TDRD7: variants seen among roughly 807,000 people sequenced by gnomAD.
TDRD7 encodes tudor domain containing 7.
TDRD7 carries 47 observed loss-of-function variants against 109.8 expected under a neutral mutation model. That is an observed-to-expected ratio of 0.43 (90% confidence interval 0.34 to 0.55). The LOEUF (loss-of-function observed/expected upper bound fraction) is 0.55. Among genes scored for constraint, TDRD7 ranks in the 20% least tolerant of loss-of-function variants. The pLI is 0.03. For synonymous variants in TDRD7, 424 were observed against 457.3 expected (o/e 0.93, Z 0.93); for missense variants, 1,164 against 1,319.2 (o/e 0.88, Z 1.82).
chr9:97,431,974 G>A, intron 3 of TDRD7, 51 bp from the exon 4 acceptor site: 1 of 1,509,418 alleles, frequency 6.6e-7, no homozygotes. Context: ...CATAATGAAA[G>A]TGGGGTTTGG....
chr9:97,481,989 T>G (rs1270047102), intron 14 of TDRD7, among the ~76,000 whole-genome samples: 2 of 152,172 alleles, frequency 1.3e-5, no homozygotes, highest in Non-Finnish European at 2.9e-5. Flanking sequence ...CTAGCCCTAT[T>G]TGGTAAAAGA....
intron 16 of TDRD7, among the ~76,000 whole-genome samples, chr9:97,488,560 G>T (rs1450560056): frequency 6.4e-5 from 9 of 140,648 alleles, no homozygotes; most frequent in Non-Finnish European, 1.1e-4. Flanking sequence ...AGATTTAATG[G>T]TTTTTTTTTT....
At chr9:97,433,280 G>A (rs1828136258) in intron 4 of TDRD7, among the ~76,000 whole-genome samples, 1 of 151,582 alleles carries the variant, frequency 6.6e-6, no homozygotes, top group East Asian at 1.9e-4. Flanking sequence ...TTTTAATAAA[G>A]TAACCCTAAA....
intron 9 of TDRD7, among the ~76,000 whole-genome samples, chr9:97,470,878 T>TTA (rs1318862964): frequency 6.6e-6 from 1 of 152,244 alleles, no homozygotes; most frequent in Non-Finnish European, 1.5e-5. Context: ...TAAAAACGTA[T>TTA]TATAATTTCT....
At chr9:97,467,562 T>C (rs1320236000) in intron 8 of TDRD7, among the ~76,000 whole-genome samples, 1 of 152,192 alleles carries the variant, frequency 6.6e-6, no homozygotes, top group Non-Finnish European at 1.5e-5. Flanking sequence ...GTCCTTCTTC[T>C]CAAGAAGCTT....
intron 4 of TDRD7, among the ~76,000 whole-genome samples, chr9:97,438,785 C>T (rs1828246685): frequency 6.6e-6 from 1 of 152,104 alleles, no homozygotes; most frequent in African/African-American, 2.4e-5. Context: ...ATGCAAATTG[C>T]ATGTTTCTAA....
intron 1 of TDRD7, among the ~76,000 whole-genome samples, chr9:97,426,356 A>T (rs1827993549): frequency 6.6e-6 from 1 of 152,048 alleles, no homozygotes; most frequent in South Asian, 2.1e-4. Context: ...GGGCTCAATG[A>T]TCCTCCCACC....
chr9:97,468,408 A>C (rs986619250), intron 8 of TDRD7, among the ~76,000 whole-genome samples: 1 of 152,224 alleles, frequency 6.6e-6, no homozygotes, highest in Non-Finnish European at 1.5e-5. Context: ...GCTGCTGAGA[A>C]TTATGGGCTG....
In TDRD7 at chr9:97,490,551, G is replaced by GT. The variant is rs544383312; in HGVS notation, c.3076+3219_3076+3220insT. Reference sequence around the variant, plus strand: ...TGATATGCCTAGATATATTTTGGTGGGGGGGGGGGCATTTATCTTGCTTGG... The same window carrying GT: ...TGATATGCCTAGATATATTTTGGTGGTGGGGGGGGGCATTTATCTTGCTTGG... On this transcript the variant is annotated intron_variant, in intron 16 of 16. Transcript: ENST00000355295. Among the ~76,000 whole-genome samples, 25 of 135,978 alleles carry GT rather than the reference G, an allele frequency of 1.8e-4. No individual in the cohort carries two copies. The East Asian group carries it at 3.9e-3, about 21-fold the overall frequency. The allele number at this position is 135,978 out of a possible 152,430, so 89.2% of individuals were successfully genotyped here.
Position 97,495,942 on chromosome 9 carries a change from T to A in TDRD7, c.*59T>A. ...ATTTTTTAGCAATAACAAAATGTAG[T>A]AGGCTTAAAAAAAATCTTAACTCTG... is the stretch of plus-strand genomic sequence containing the variant. On this transcript the variant is annotated 3_prime_UTR_variant, in exon 17 of 17. Transcript: ENST00000355295. The A allele has an allele frequency of 7.0e-7, 1 of 1,418,756 alleles. No individual in the cohort carries two copies. Among genetic ancestry groups the A allele is most frequent in the Non-Finnish European group, 1.0e-6 (1 of 1,004,744 alleles). The allele number at this position is 1,418,756 out of a possible 1,614,324, so 87.9% of individuals were successfully genotyped here.
rs1828768903 is a variant in TDRD7, at chr9:97,463,642, G to A, written c.1443-1200G>A. Among the ~76,000 whole-genome samples the A allele has an allele frequency of 7.2e-5, 11 of 152,204 alleles. No individual in the cohort carries two copies. In the South Asian group the frequency reaches 2.3e-3, roughly 32 times the overall value. ...TAAAAAGGCCTCGATCCTATGGCTGGGACAGCTTCTCTTACATGACCCAAA... is the reference window on the plus strand; with the variant it reads ...TAAAAAGGCCTCGATCCTATGGCTGAGACAGCTTCTCTTACATGACCCAAA... On this transcript the variant is annotated intron_variant, in intron 7 of 16. Transcript: ENST00000355295.
chr9:97,415,375 C>A (rs142627371), intron 1 of TDRD7, among the ~76,000 whole-genome samples: 216 of 152,244 alleles, frequency 1.4e-3, no homozygotes, highest in Non-Finnish European at 2.7e-3. Flanking sequence ...GAGGATCAAT[C>A]AATGGTAGAA....
At chr9:97,480,198 T>C (rs914722603) in intron 13 of TDRD7, 2 of 152,612 alleles carry the variant, frequency 1.3e-5, no homozygotes, top group Non-Finnish European at 2.9e-5. Context: ...GTTCACTTTT[T>C]AGCCTCTGTT....
intron 11 of TDRD7, among the ~76,000 whole-genome samples, chr9:97,474,335 G>C (rs997862199): frequency 6.6e-6 from 1 of 151,876 alleles, no homozygotes; most frequent in Non-Finnish European, 1.5e-5. Context: ...TTACCCCCTC[G>C]TCCCTGGAAG....
intron 4 of TDRD7, 46 bp downstream of exon 4, chr9:97,432,284 A>C (rs778600789): frequency 6.6e-7 from 1 of 1,517,634 alleles, no homozygotes; most frequent in South Asian, 1.1e-5. Context: ...CTAGGGTAAA[A>C]AGTGTTACAA....
intron 14 of TDRD7, 114 bp downstream of exon 14, chr9:97,481,052 C>A: frequency 2.3e-6 from 2 of 862,140 alleles, no homozygotes; most frequent in Non-Finnish European, 4.0e-6. Context: ...CTTCCACATC[C>A]AACACATTTT....
intron 2 of TDRD7, among the ~76,000 whole-genome samples, 191 bp downstream of exon 2, chr9:97,428,863 T>C (rs1036996863): frequency 2.6e-5 from 4 of 152,212 alleles, no homozygotes; most frequent in Admixed American, 2.0e-4. Context: ...ATTCCTCAAA[T>C]TCTTTTCATT....
At chr9:97,467,597 G>A (rs1828841848) in intron 8 of TDRD7, among the ~76,000 whole-genome samples, 1 of 152,174 alleles carries the variant, frequency 6.6e-6, no homozygotes, top group African/African-American at 2.4e-5. Context: ...AGAGAGAGAT[G>A]ACAAGCATAC....
At chr9:97,464,648 G>C (rs1290000021) in intron 7 of TDRD7, among the ~76,000 whole-genome samples, 194 bp from the exon 8 acceptor site, 1 of 152,124 alleles carries the variant, frequency 6.6e-6, no homozygotes, top group Non-Finnish European at 1.5e-5. Flanking sequence ...GAGCCACTGT[G>C]ACCAGCCCCC....
Sources: allele counts gnomAD v4.1 joint callset (sites outside exome capture counted in the v4.1 genomes callset), GRCh38; gene constraint gnomAD v4.1.1; transcripts MANE v1.5; gene names NCBI Gene and HGNC (gene_info 2026-07-23, HGNC 2026-07-21).